Variants in DSCAM observed in about 807,000 individuals in gnomAD.
DSCAM encodes cell adhesion molecule DSCAM.
DSCAM carries 47 observed loss-of-function variants against 217.7 expected under a neutral mutation model. The observed-to-expected ratio is 0.22, with a 90% CI of 0.17 to 0.28. The LOEUF (loss-of-function observed/expected upper bound fraction) is 0.28, where lower values mean the gene tolerates loss of function less well. DSCAM is among the 10% of genes least tolerant of loss of function. DSCAM has a pLI of 1.00. For missense variants in DSCAM, 2,080 were observed against 2,618.3 expected, an observed-to-expected ratio of 0.79 and a Z score of 4.49; for synonymous variants, 1,056 against 1,015.3, an observed-to-expected ratio of 1.04 and a Z score of -0.76.
chr21:40,171,171 A>G (rs903356096), intron 15 of DSCAM, among the ~76,000 whole-genome samples: 5 of 152,178 alleles, frequency 3.3e-5, no homozygotes, highest in African/African-American at 1.2e-4. Flanking sequence ...TCTACCGCCC[A>G]GGTTCAAGCT....
At chr21:40,197,634 C>T (rs2091026724) in intron 11 of DSCAM, among the ~76,000 whole-genome samples, 1 of 152,226 alleles carries the variant, frequency 6.6e-6, no homozygotes, top group Non-Finnish European at 1.5e-5. Context: ...CTCTTCCCTT[C>T]TCTTTCCTCC....
intron 1 of DSCAM, among the ~76,000 whole-genome samples, chr21:40,791,463 G>A (rs1019549380): frequency 3.3e-5 from 5 of 151,738 alleles, no homozygotes; most frequent in Admixed American, 2.6e-4. Flanking sequence ...GACCATCCTG[G>A]CTAACACGGT....
chr21:40,711,553 A>C (rs2090780640), intron 1 of DSCAM, among the ~76,000 whole-genome samples: 1 of 152,138 alleles, frequency 6.6e-6, no homozygotes. Flanking sequence ...CCCTGCTGCC[A>C]CTTGGTGGAC....
chr21:40,189,387 TAAAG>T lies in DSCAM; in HGVS notation c.2357-153_2357-150del, dbSNP rs2090931050. 3 of 748,316 alleles carry T rather than the reference TAAAG, an allele frequency of 4.0e-6. No homozygotes were observed. The East Asian group carries it at 8.9e-5, about 22-fold the overall frequency. The allele number at this position is 748,316 out of a possible 1,614,324, so 46.4% of individuals were successfully genotyped here. ...TGCTGCATGAGAATCTCGAGCAAAA[TAAAG>T]GAAAGGCACCAGAAAAATGAAACTT... On this transcript the variant is annotated intron_variant, in intron 11 of 32. Coordinates refer to ENST00000400454, the MANE Select transcript of DSCAM (RefSeq NM_001389.5).
chr21:40,268,806 C>A (rs1288185698), intron 11 of DSCAM, among the ~76,000 whole-genome samples: 3 of 152,038 alleles, frequency 2.0e-5, no homozygotes, highest in African/African-American at 7.2e-5. Flanking sequence ...TAAAAATAAG[C>A]CAGGTGTAGT....
chr21:40,784,059 T>C (rs1326499954), intron 1 of DSCAM, among the ~76,000 whole-genome samples: 1 of 149,220 alleles, frequency 6.7e-6, no homozygotes, highest in Non-Finnish European at 1.5e-5. Flanking sequence ...TTTATAAATA[T>C]ATACAAAAAT....
intron 3 of DSCAM, among the ~76,000 whole-genome samples, chr21:40,560,346 C>T (rs537233700): frequency 6.6e-6 from 1 of 152,198 alleles, no homozygotes; most frequent in Admixed American, 6.5e-5. Context: ...AGGGGGACCC[C>T]CTGTGTGGGG....
chr21:40,044,014 T>G, intron 31 of DSCAM, 64 bp downstream of exon 31: 5 of 1,558,610 alleles, frequency 3.2e-6, no homozygotes, highest in Non-Finnish European at 4.4e-6. Context: ...AAGGAGCCCA[T>G]GAAGCTCAAG....
chr21:40,534,083 C>A (rs1330462295), intron 3 of DSCAM, among the ~76,000 whole-genome samples: 1 of 152,016 alleles, frequency 6.6e-6, no homozygotes, highest in Non-Finnish European at 1.5e-5. Flanking sequence ...AGCTAAATAC[C>A]ACCATTCTGC....
At chr21:40,765,317 G>A (rs1396818175) in intron 1 of DSCAM, among the ~76,000 whole-genome samples, 1 of 152,000 alleles carries the variant, frequency 6.6e-6, no homozygotes, top group Non-Finnish European at 1.5e-5. Flanking sequence ...GGCACTGCCT[G>A]GCCCAGCCCC....
chr21:40,225,188 G>C (rs2091321042), intron 11 of DSCAM, among the ~76,000 whole-genome samples: 1 of 152,184 alleles, frequency 6.6e-6, no homozygotes, highest in Non-Finnish European at 1.5e-5. Flanking sequence ...GCCTGTGAAT[G>C]ATAGATGAGT....
chr21:40,101,134 G>A (rs1329132217), intron 20 of DSCAM, among the ~76,000 whole-genome samples: 1 of 152,190 alleles, frequency 6.6e-6, no homozygotes, highest in Non-Finnish European at 1.5e-5. Flanking sequence ...TCTATGCCCA[G>A]CTTGAGGAAG....
chr21:40,528,883 T>A (rs971718727), intron 3 of DSCAM, among the ~76,000 whole-genome samples: 1 of 149,510 alleles, frequency 6.7e-6, no homozygotes, highest in Non-Finnish European at 1.5e-5. Flanking sequence ...TCTTTGGCAA[T>A]GTCCAGGCTT....
chr21:40,775,709 T>C (rs1372110818), intron 1 of DSCAM, among the ~76,000 whole-genome samples: 1 of 152,180 alleles, frequency 6.6e-6, no homozygotes, highest in Non-Finnish European at 1.5e-5. Flanking sequence ...TTTTCAACCT[T>C]GGACTGAGAG....
chr21:40,620,441 G>A (rs2089495280), intron 3 of DSCAM, among the ~76,000 whole-genome samples: 1 of 139,968 alleles, frequency 7.1e-6, no homozygotes, highest in Admixed American at 7.1e-5. Context: ...GGGGAAGGGA[G>A]GGAAAGGAAA....
chr21:40,134,197 A>C (rs2090184291), intron 18 of DSCAM, among the ~76,000 whole-genome samples, 188 bp from the exon 19 acceptor site: 1 of 152,066 alleles, frequency 6.6e-6, no homozygotes, highest in African/African-American at 2.4e-5. Context: ...GGCCCTTTGG[A>C]AAAGAACATT....
At chr21:40,716,536 G>T (rs1419469986) in intron 1 of DSCAM, among the ~76,000 whole-genome samples, 2 of 152,170 alleles carry the variant, frequency 1.3e-5, no homozygotes, top group South Asian at 4.1e-4. Flanking sequence ...TTGGAGAATT[G>T]TTTCTTCAGT....
At chr21:40,400,530 G>A (rs1361152957) in intron 3 of DSCAM, among the ~76,000 whole-genome samples, 1 of 151,932 alleles carries the variant, frequency 6.6e-6, no homozygotes, top group African/African-American at 2.4e-5. Flanking sequence ...TTTTAGACAG[G>A]GTCTGGGTTT....
chr21:40,409,495 G>A (rs1451639174), intron 3 of DSCAM, among the ~76,000 whole-genome samples: 1 of 152,198 alleles, frequency 6.6e-6, no homozygotes, highest in Non-Finnish European at 1.5e-5. Context: ...GAGCTAGAAT[G>A]TAGGAAAAAG....
Sources: allele counts gnomAD v4.1 joint callset (sites outside exome capture counted in the v4.1 genomes callset), GRCh38; gene constraint gnomAD v4.1.1; transcripts MANE v1.5; gene names NCBI Gene and HGNC (gene_info 2026-07-23, HGNC 2026-07-21).